KHDC4: variants seen among roughly 807,000 people sequenced by gnomAD.
KHDC4 encodes the protein KH domain containing 4, pre-mRNA splicing factor, also known as KH homology domain-containing protein 4.
A neutral mutation model predicts 74.5 loss-of-function variants in KHDC4; 19 were observed. That is an observed-to-expected ratio of 0.26 (90% CI 0.18 to 0.37). The LOEUF (loss-of-function observed/expected upper bound fraction) is 0.37. Ranked by LOEUF, KHDC4 falls within the 10% of genes least tolerant of loss-of-function variation. The pLI, the probability that KHDC4 is intolerant of heterozygous loss-of-function variation, is 1.00. For missense variants in KHDC4, 632 were observed against 754.1 expected, an observed-to-expected ratio of 0.84 and a Z score of 1.90; for synonymous variants, 253 against 266.1, an observed-to-expected ratio of 0.95 and a Z score of 0.48.
rs1674015880 is a variant in KHDC4, at chr1:155,927,014, G to C, written c.517+90C>G. On this transcript the variant is annotated intron_variant, in intron 5 of 13. Transcript: ENST00000368321. ...TAGTTCATGAACAAGGGTTAGAACA[G>C]CCATCAGGGACACTTTGCCAACTTG... 2.0e-5 allele frequency: 27 copies of C among 1,367,262 alleles called. No individual in the cohort carries two copies. In the South Asian group the frequency reaches 3.1e-4, roughly 15 times the overall value. The allele number at this position is 1,367,262 out of a possible 1,614,324, so 84.7% of individuals were successfully genotyped here. A position where few individuals can be genotyped will look rare whatever the true frequency, so the allele number is the denominator to read the frequency against.
At chr1:155,927,466 T>G (rs1048250558) in intron 4 of KHDC4, among the ~76,000 whole-genome samples, 2 of 152,194 alleles carry the variant, frequency 1.3e-5, no homozygotes, top group African/African-American at 4.8e-5. Flanking sequence ...TCCTTTTTGC[T>G]GGTTGTCTAA....
intron 11 of KHDC4, 45 bp from the exon 12 acceptor site, chr1:155,916,782 C>A: frequency 2.3e-6 from 3 of 1,304,328 alleles, no homozygotes; most frequent in Non-Finnish European, 2.2e-6. Flanking sequence ...CTACAACTGC[C>A]GTATTGACTT....
In KHDC4 at chr1:155,933,690, A is replaced by G. The variant is rs372539350; in HGVS notation, c.198T>C (p.Ile66=). The G allele has an allele frequency of 7.4e-6, 12 of 1,612,948 alleles. No individual in the cohort carries two copies. In the African/African-American group the frequency reaches 1.6e-4, roughly 22 times the overall value. ...LDAAAAVAAK[I]NAMLMAKGKL... The stretch of plus-strand genomic sequence containing the variant: ...TCCCTTTTGCCATGAGCATGGCATT[A>G]ATCTTGGCAGCCACAGCAGCAGCAG... Residue 66 remains isoleucine, a synonymous_variant, in exon 2 of 14, where the codon ATT becomes ATC. Coordinates refer to ENST00000368321, the MANE Select transcript of KHDC4 (RefSeq NM_014949.4).
chr1:155,930,554 G>A (rs776093609), intron 2 of KHDC4, among the ~76,000 whole-genome samples: 1 of 152,126 alleles, frequency 6.6e-6, no homozygotes, highest in Non-Finnish European at 1.5e-5. Flanking sequence ...TGTACATGGA[G>A]TAAAACACAA....
At chr1:155,922,680 T>C (rs1557968452) in intron 8 of KHDC4, among the ~76,000 whole-genome samples, 2 of 152,198 alleles carry the variant, frequency 1.3e-5, no homozygotes, top group Non-Finnish European at 2.9e-5. Context: ...AGTAAGGGTT[T>C]CGTATTTTCC....
chr1:155,927,853 CACACACACACACACACACACAA>C (rs1166785573), intron 4 of KHDC4, among the ~76,000 whole-genome samples: 51 of 30,524 alleles, frequency 1.7e-3, no homozygotes, highest in Non-Finnish European at 5.1e-3. Flanking sequence ...CACACACACA[CACACACACACACACACACACAA>C]AATTAATGGG....
intron 11 of KHDC4, among the ~76,000 whole-genome samples, 193 bp downstream of exon 11, chr1:155,917,306 T>G (rs925192528): frequency 1.3e-5 from 2 of 152,036 alleles, no homozygotes; most frequent in Admixed American, 1.3e-4. Context: ...GAGCTTTGAG[T>G]GAGATGTATA....
At position 155,921,347 on chromosome 1, in the gene KHDC4, T is replaced by G. The variant is rs185232337; in HGVS notation, c.1266+28A>C. On this transcript the variant is annotated intron_variant, in intron 10 of 13. Transcript: ENST00000368321. ...CCCCAGTTTTTCCTAAATTCAGTAATATGTTGTTGCATATCCTGACATCCT... is the reference window on the plus strand; with the variant it reads ...CCCCAGTTTTTCCTAAATTCAGTAAGATGTTGTTGCATATCCTGACATCCT... The G allele has an allele frequency of 1.2e-4, 200 of 1,608,900 alleles. 3 individuals carry two copies. The East Asian group carries it at 4.5e-3, about 36-fold the overall frequency.
chr1:155,926,563 C>A (rs531981845), intron 6 of KHDC4, 113 bp downstream of exon 6: 1 of 1,185,260 alleles, frequency 8.4e-7, no homozygotes, highest in African/African-American at 1.5e-5. Flanking sequence ...ATGATCCACC[C>A]ACCTTGGCCT....
intron 6 of KHDC4, chr1:155,926,133 G>A: frequency 1.7e-6 from 1 of 588,634 alleles, no homozygotes; most frequent in Admixed American, 1.9e-5. Flanking sequence ...ACTTCAAAAT[G>A]TACAACATGT....
chr1:155,914,068 T>C lies in KHDC4; in HGVS notation c.*53A>G. Reference sequence around the variant, plus strand: ...CCAGAGTCTTGTTAAATCAAATGCATGCATTATTGCTAAGAAGAGTCACTG... The same window carrying C: ...CCAGAGTCTTGTTAAATCAAATGCACGCATTATTGCTAAGAAGAGTCACTG... On this transcript the variant is annotated 3_prime_UTR_variant, in exon 14 of 14. Coordinates refer to ENST00000368321, the MANE Select transcript of KHDC4 (RefSeq NM_014949.4). 1 of 1,428,098 alleles carries C rather than the reference T, an allele frequency of 7.0e-7. No homozygotes were observed. Among genetic ancestry groups the C allele is most frequent in the Non-Finnish European group, 9.9e-7 (1 of 1,010,730 alleles). The allele number at this position is 1,428,098 out of a possible 1,614,324, so 88.5% of individuals were successfully genotyped here.
intron 13 of KHDC4, chr1:155,914,694 G>T (rs921910625): frequency 1.5e-5 from 3 of 199,774 alleles, no homozygotes; most frequent in Non-Finnish European, 3.0e-5. Flanking sequence ...TCATTTTTAT[G>T]AGTACAGGCA....
intron 2 of KHDC4, among the ~76,000 whole-genome samples, chr1:155,931,884 G>A (rs746423066): frequency 1.3e-5 from 2 of 152,074 alleles, no homozygotes; most frequent in Non-Finnish European, 2.9e-5. Context: ...TCATCTCAAT[G>A]AATCCTTATG....
chr1:155,934,043 C>A (rs1572016635), intron 1 of KHDC4, among the ~76,000 whole-genome samples, 194 bp from the exon 2 acceptor site: 1 of 152,210 alleles, frequency 6.6e-6, no homozygotes, highest in African/African-American at 2.4e-5. Context: ...AACCCTTCCC[C>A]AAAATCTTTC....
intron 10 of KHDC4, among the ~76,000 whole-genome samples, chr1:155,918,283 G>A (rs1407672365): frequency 6.6e-6 from 1 of 152,142 alleles, no homozygotes; most frequent in East Asian, 1.9e-4. Context: ...CTGTCTCCCA[G>A]GCTGGAGTGC....
At chr1:155,934,161 G>A (rs937134413) in intron 1 of KHDC4, among the ~76,000 whole-genome samples, 175 bp downstream of exon 1, 2 of 151,952 alleles carry the variant, frequency 1.3e-5, no homozygotes, top group Non-Finnish European at 2.9e-5. Flanking sequence ...CTCCTCCCTC[G>A]GATCCCCGCC....
chr1:155,921,981 G>C (rs975368041), intron 8 of KHDC4, 63 bp from the exon 9 acceptor site: 2 of 994,058 alleles, frequency 2.0e-6, no homozygotes, highest in Admixed American at 4.1e-5. Context: ...ACAAGGGTCT[G>C]ATTACATAAT....
intron 6 of KHDC4, 65 bp downstream of exon 6, chr1:155,926,611 C>A: frequency 1.9e-6 from 3 of 1,544,004 alleles, no homozygotes; most frequent in Admixed American, 1.7e-5. Context: ...GCCACTGTGC[C>A]TGGCCAGCAC....
chr1:155,915,571 G>T, intron 13 of KHDC4: 1 of 378,398 alleles, frequency 2.6e-6, no homozygotes, highest in Non-Finnish European at 4.7e-6. Context: ...GCAGTGGTCT[G>T]ATCTTGGCTC....
Sources: gnomAD v4.1 joint callset for allele counts (sites outside exome capture counted in the v4.1 genomes callset) on GRCh38, gnomAD v4.1.1 for gene constraint, MANE v1.5 for transcripts, NCBI Gene and HGNC (gene_info 2026-07-23, HGNC 2026-07-21) for gene names.